PKHD1: variants seen among roughly 807,000 people sequenced by gnomAD.
PKHD1 encodes the protein PKHD1 ciliary IPT domain containing fibrocystin/polyductin.
PKHD1 carries 291 observed loss-of-function variants against 412.0 expected under a neutral mutation model. That is an observed-to-expected ratio of 0.71 (90% confidence interval 0.64 to 0.78). PKHD1 has a LOEUF of 0.78. Among genes scored for constraint, PKHD1 ranks in the 30% least tolerant of loss-of-function variants. The pLI, the probability that PKHD1 is intolerant of heterozygous loss-of-function variation, is 0.00. For missense variants in PKHD1, 4,825 were observed against 4,950.7 expected, an observed-to-expected ratio of 0.97 and a Z score of 0.76; for synonymous variants, 1,777 against 1,821.5, an observed-to-expected ratio of 0.98 and a Z score of 0.62.
chr6:51,805,174 T>C (rs1763575474), intron 52 of PKHD1, among the ~76,000 whole-genome samples: 1 of 152,172 alleles, frequency 6.6e-6, no homozygotes, highest in South Asian at 2.1e-4. Flanking sequence ...GTGGTACACA[T>C]ATGCCATGGA....
intron 36 of PKHD1, among the ~76,000 whole-genome samples, chr6:51,946,457 G>A (rs1188614742): frequency 2.0e-5 from 3 of 152,142 alleles, no homozygotes; most frequent in Admixed American, 6.5e-5. Context: ...TTATGCCAAG[G>A]CACCAAGATT....
intron 60 of PKHD1, among the ~76,000 whole-genome samples, chr6:51,690,075 C>A (rs1272063639): frequency 1.1e-4 from 17 of 151,868 alleles, no homozygotes; most frequent in Non-Finnish European, 2.5e-4. Context: ...AGCTCGAGAC[C>A]AGCTTGGTCA....
chr6:51,709,063 T>C lies in PKHD1; in HGVS notation c.10156+35322A>G, dbSNP rs1780343045. 2.0e-5 allele frequency among the ~76,000 whole-genome samples: 3 copies of C among 152,204 alleles called. 1 individual carries two copies. Among genetic ancestry groups the C allele is most frequent in the African/African-American group, 4.8e-5 (2 of 41,446 alleles). ...TAACTCCTGCCTTAGATCATAAGCA[T>C]AGGTCCCCCTACTACGTGCTCCCTT... is the stretch of plus-strand genomic sequence containing the variant. On this transcript the variant is annotated intron_variant, in intron 60 of 66. Coordinates refer to ENST00000371117, the MANE Select transcript of PKHD1 (RefSeq NM_138694.4).
rs1329174294 is a variant in PKHD1 at position 51,810,645 on chromosome 6, A to C, written c.8303-19272T>G. On this transcript the variant is annotated intron_variant, in intron 52 of 66. Coordinates refer to ENST00000371117, the MANE Select transcript of PKHD1 (RefSeq NM_138694.4). Reference sequence around the variant, plus strand: ...TGCTCACTCACCCTTAGCCACCTAAAATATGTGACACTTCCCCATGGCCCT... The same window carrying C: ...TGCTCACTCACCCTTAGCCACCTAACATATGTGACACTTCCCCATGGCCCT... Among the ~76,000 whole-genome samples, 26 of 152,146 alleles carry C rather than the reference A, an allele frequency of 1.7e-4. 1 individual carries two copies. Among genetic ancestry groups the C allele is most frequent in the Admixed American group, 1.7e-3 (26 of 15,256 alleles).
chr6:51,747,469 C>T (rs2150978589), intron 58 of PKHD1, among the ~76,000 whole-genome samples: 1 of 152,284 alleles, frequency 6.6e-6, no homozygotes, highest in East Asian at 1.9e-4. Flanking sequence ...CTTTGGGAGG[C>T]TGAGATGGGA....
Position 51,885,868 on chromosome 6 carries a change from T to A in PKHD1, c.7214A>T (p.Gln2405Leu). 6.3e-7 allele frequency: 1 copy of A among 1,596,550 alleles called. No homozygotes were observed. Among genetic ancestry groups the A allele is most frequent in the Non-Finnish European group, 8.6e-7 (1 of 1,165,018 alleles). ...AACAACAACAACAAAAAAGCTTACC[T>A]GGGCACCACCTGCACTTTCCCAAAC... is the stretch of plus-strand genomic sequence containing the variant. The part of the protein sequence containing the change: ...FTVWESAGGA[Q>L]IFRSSNLRLK... The change falls in exon 45 of 67, where the codon CAG becomes CTG. Residue 2405 changes from glutamine to leucine, a missense_variant and splice_region_variant. Gln to Leu is a moderately radical substitution (Grantham distance 113). Transcript: ENST00000371117.
At chr6:51,884,424 T>C (rs1255478301) in intron 45 of PKHD1, among the ~76,000 whole-genome samples, 2 of 152,234 alleles carry the variant, frequency 1.3e-5, no homozygotes, top group Admixed American at 6.5e-5. Context: ...TTGATTATTG[T>C]TGCTTTGTAG....
At chr6:51,962,681 G>A (rs142214966) in intron 35 of PKHD1, among the ~76,000 whole-genome samples, 2 of 152,150 alleles carry the variant, frequency 1.3e-5, no homozygotes, top group East Asian at 1.9e-4. Context: ...CCCATCTGAA[G>A]TTTTTCCCTT....
intron 35 of PKHD1, among the ~76,000 whole-genome samples, chr6:51,982,370 C>CG (rs1795531801): frequency 8.7e-6 from 1 of 115,464 alleles, no homozygotes; most frequent in Non-Finnish European, 2.0e-5. Context: ...AATAGAAAGG[C>CG]GGGAAGGGTG....
chr6:51,757,020 G>A (rs555882338), intron 55 of PKHD1, among the ~76,000 whole-genome samples: 31 of 152,160 alleles, frequency 2.0e-4, no homozygotes, highest in African/African-American at 7.2e-4. Context: ...ATTTTTATGA[G>A]AATCTAATGA....
intron 52 of PKHD1, among the ~76,000 whole-genome samples, chr6:51,791,861 A>G (rs1793811830): frequency 6.6e-6 from 1 of 152,196 alleles, no homozygotes; most frequent in Non-Finnish European, 1.5e-5. Flanking sequence ...TGGGAATAAT[A>G]CTAAAAACAA....
At chr6:51,951,386 C>G (rs1790346914) in intron 36 of PKHD1, among the ~76,000 whole-genome samples, 1 of 152,088 alleles carries the variant, frequency 6.6e-6, no homozygotes, top group Admixed American at 6.6e-5. Context: ...TAAAAATCCC[C>G]CTAGCTACTA....
At chr6:51,710,047 A>G (rs1328697028) in intron 60 of PKHD1, among the ~76,000 whole-genome samples, 1 of 151,890 alleles carries the variant, frequency 6.6e-6, no homozygotes, top group Non-Finnish European at 1.5e-5. Flanking sequence ...CATCTGTACT[A>G]AAAATACAAA....
At position 52,024,741 on chromosome 6, in the gene PKHD1, G is replaced by A. The variant is rs1801882752; in HGVS notation, c.5069C>T (p.Ser1690Leu). Residue 1690 changes from serine (S) to leucine (L), a missense_variant, in exon 32 of 67, where the codon TCA (serine) becomes TTA (leucine). Physicochemically the swap from Ser to Leu is moderately radical, Grantham distance 145. Coordinates refer to ENST00000371117, the MANE Select transcript of PKHD1 (RefSeq NM_138694.4). ...AANIDIFIGM[S>L]PCVGVSGNHT... is the part of the protein sequence containing the mutation. The stretch of plus-strand genomic sequence containing the variant: ...GTTACCAGAGACACCCACACAGGGT[G>A]ACATTCCTATAAAAATGTCAATGTT... The A allele has an allele frequency of 6.2e-7, 1 of 1,614,076 alleles. No homozygotes were observed. Among genetic ancestry groups the A allele is most frequent in the African/African-American group, 1.3e-5 (1 of 74,932 alleles).
At chr6:51,812,206 T>C (rs1400634887) in intron 52 of PKHD1, among the ~76,000 whole-genome samples, 1 of 152,184 alleles carries the variant, frequency 6.6e-6, no homozygotes, top group Non-Finnish European at 1.5e-5. Context: ...AGACACCCTA[T>C]TAGAGTTTCA....
intron 60 of PKHD1, among the ~76,000 whole-genome samples, chr6:51,733,674 T>A (rs1286631449): frequency 6.6e-6 from 1 of 152,176 alleles, no homozygotes; most frequent in Non-Finnish European, 1.5e-5. Context: ...AGAATTCCTA[T>A]GCTTGAAAAA....
At chr6:51,628,535 C>T (rs1457104508) in intron 65 of PKHD1, among the ~76,000 whole-genome samples, 1 of 152,168 alleles carries the variant, frequency 6.6e-6, no homozygotes, top group Non-Finnish European at 1.5e-5. Flanking sequence ...CTGCAATAAA[C>T]ATTCAAATAC....
chr6:52,053,202 C>A lies in PKHD1; in HGVS notation c.2014G>T (p.Gly672Trp). 1.2e-6 allele frequency: 2 copies of A among 1,614,166 alleles called. No homozygotes were observed. Among genetic ancestry groups the A allele is most frequent in the South Asian group, 1.1e-5 (1 of 91,080 alleles). The change falls in exon 21 of 67, where the codon GGG becomes TGG. Residue 672 changes from glycine to tryptophan, a missense_variant. Transcript: ENST00000371117. ...DLWETCVRCFGDLQPPPANSP... is the reference protein window; with the variant it reads ...DLWETCVRCFWDLQPPPANSP... ...TTTGCCGGAGGGGGCTGGAGATCCC[C>A]GAAGCAACGCACACAAGTCTCCCAG...
chr6:51,844,155 A>C (rs1770735775), intron 50 of PKHD1, among the ~76,000 whole-genome samples: 1 of 152,228 alleles, frequency 6.6e-6, no homozygotes, highest in Admixed American at 6.5e-5. Context: ...ACACTTGAAT[A>C]TATTTGGATG....
Sources: allele counts gnomAD v4.1 joint callset (sites outside exome capture counted in the v4.1 genomes callset), GRCh38; gene constraint gnomAD v4.1.1; transcripts MANE v1.5; gene names NCBI Gene and HGNC (gene_info 2026-07-23, HGNC 2026-07-21).